Variants in ERP27 observed in about 807,000 individuals in gnomAD.
The protein encoded by ERP27 is endoplasmic reticulum resident protein 27.
Under a neutral mutation model 27.7 loss-of-function variants are expected in ERP27, and 23 were observed. That is an observed-to-expected ratio of 0.83 (90% CI 0.60 to 1.18). The LOEUF is 1.18. Among genes scored for constraint, ERP27 ranks in the 50% most tolerant of loss-of-function variants. ERP27 has a pLI of 0.00. For missense variants in ERP27, 363 were observed against 327.9 expected, an observed-to-expected ratio of 1.11 and a Z score of -0.83; for synonymous variants, 159 against 118.3, an observed-to-expected ratio of 1.34 and a Z score of -2.23.
At chr12:14,935,528 T>C in intron 2 of ERP27, among the ~76,000 whole-genome samples, 1 of 152,342 alleles carries the variant, frequency 6.6e-6, no homozygotes, top group South Asian at 2.1e-4. Context: ...AGGAAAAGTA[T>C]GTAAACAACT....
chr12:14,925,505 T>C (rs371279361), intron 3 of ERP27, among the ~76,000 whole-genome samples: 5 of 152,308 alleles, frequency 3.3e-5, no homozygotes, highest in Admixed American at 6.5e-5. Flanking sequence ...TTCAAAATGT[T>C]TCCTAATTTT....
Position 14,934,846 on chromosome 12 carries a change from C to T in ERP27, c.333+10G>A. On this transcript the variant is annotated intron_variant, in intron 3 of 6. Coordinates refer to ENST00000266397, the MANE Select transcript of ERP27 (RefSeq NM_152321.4). ...TCTGGGAGAAAGCTCAAGCTACCCA[C>T]CCAACTTACCAGGCGAAAGAGGCAG... The T allele has an allele frequency of 5.0e-6, 8 of 1,613,766 alleles. No individual in the cohort carries two copies. The highest frequency in any genetic ancestry group is 2.2e-5 in the East Asian group (1 of 44,886).
intron 3 of ERP27, among the ~76,000 whole-genome samples, chr12:14,923,396 A>G (rs577963040): frequency 4.0e-4 from 60 of 151,474 alleles, no homozygotes; most frequent in African/African-American, 1.3e-3. Context: ...ATATTCATAT[A>G]TATAATATTT....
At chr12:14,935,458 C>T (rs1863760467) in intron 2 of ERP27, among the ~76,000 whole-genome samples, 1 of 152,154 alleles carries the variant, frequency 6.6e-6, no homozygotes, top group African/African-American at 2.4e-5. Context: ...AATTTTAGAG[C>T]ACTGAGATAA....
intron 3 of ERP27, among the ~76,000 whole-genome samples, chr12:14,927,093 T>C (rs1863613847): frequency 6.6e-6 from 1 of 152,162 alleles, no homozygotes; most frequent in Admixed American, 6.5e-5. Context: ...GATATAATGC[T>C]TTGTATTCTG....
intron 3 of ERP27, among the ~76,000 whole-genome samples, chr12:14,934,261 T>C (rs1863740455): frequency 6.6e-6 from 1 of 152,144 alleles, no homozygotes; most frequent in South Asian, 2.1e-4. Context: ...CTTTTCTTTT[T>C]TTTCAGAATT....
chr12:14,915,348 C>G (rs932335798), intron 6 of ERP27, 141 bp downstream of exon 6: 6 of 732,678 alleles, frequency 8.2e-6, no homozygotes, highest in Non-Finnish European at 1.1e-5. Flanking sequence ...ACTAGACATT[C>G]CTCCTATCTA....
intron 3 of ERP27, among the ~76,000 whole-genome samples, chr12:14,922,110 T>C (rs557480084): frequency 5.3e-4 from 80 of 152,304 alleles, no homozygotes; most frequent in Middle Eastern, 6.8e-3. Flanking sequence ...AATGAACACT[T>C]CTTGACTTTT....
At chr12:14,917,636 G>A (rs566285634) in intron 4 of ERP27, among the ~76,000 whole-genome samples, 2 of 152,226 alleles carry the variant, frequency 1.3e-5, no homozygotes, top group African/African-American at 4.8e-5. Flanking sequence ...ACCAGCCCCA[G>A]TGTAGGGCAC....
intron 3 of ERP27, among the ~76,000 whole-genome samples, chr12:14,930,653 T>A (rs1863684416): frequency 1.3e-5 from 2 of 152,218 alleles, no homozygotes; most frequent in Admixed American, 1.3e-4. Flanking sequence ...TTTACCTAAA[T>A]TCTTCCTGAT....
At chr12:14,924,287 G>GT (rs1456518193) in intron 3 of ERP27, among the ~76,000 whole-genome samples, 1 of 152,124 alleles carries the variant, frequency 6.6e-6, no homozygotes, top group Non-Finnish European at 1.5e-5. Flanking sequence ...TCATGGACAC[G>GT]TAAGTTGATT....
At chr12:14,929,556 G>T (rs528335450) in intron 3 of ERP27, among the ~76,000 whole-genome samples, 7 of 152,262 alleles carry the variant, frequency 4.6e-5, no homozygotes, top group South Asian at 2.1e-4. Flanking sequence ...TTTATGGAAA[G>T]AATTTTACTT....
intron 3 of ERP27, among the ~76,000 whole-genome samples, chr12:14,924,036 C>A (rs558873926): frequency 6.6e-6 from 1 of 152,304 alleles, no homozygotes; most frequent in East Asian, 1.9e-4. Context: ...CCACTTCCCC[C>A]TCCGCTCCCC....
intron 2 of ERP27, among the ~76,000 whole-genome samples, chr12:14,936,541 G>A (rs1196751428): frequency 1.3e-5 from 2 of 152,134 alleles, no homozygotes; most frequent in African/African-American, 4.8e-5. Flanking sequence ...AAAAGAAGAT[G>A]GCCAGTTGAT....
At chr12:14,930,003 C>G (rs1021628887) in intron 3 of ERP27, among the ~76,000 whole-genome samples, 1 of 147,608 alleles carries the variant, frequency 6.8e-6, no homozygotes. Flanking sequence ...CATCACACAC[C>G]AGGGCCTGTA....
At chr12:14,929,366 G>A (rs1441003253) in intron 3 of ERP27, among the ~76,000 whole-genome samples, 3 of 152,096 alleles carry the variant, frequency 2.0e-5, no homozygotes, top group African/African-American at 4.8e-5. Context: ...AAACATGCCC[G>A]ATCTTTCATT....
chr12:14,938,298 A>G, intron 1 of ERP27, 117 bp downstream of exon 1: 1 of 1,114,822 alleles, frequency 9.0e-7, no homozygotes, highest in African/African-American at 1.5e-5. Context: ...CTTATCCAGG[A>G]TTTCCTGGAA....
rs1396849287 is a variant in ERP27 at position 14,934,959 on chromosome 12, C to T, written c.230G>A (p.Ser77Asn). The change falls in exon 3 of 7, where the codon AGC becomes AAC. Residue 77 changes from serine (S) to asparagine (N), a missense_variant. Ser to Asn is a conservative substitution (Grantham distance 46). Coordinates refer to ENST00000266397, the MANE Select transcript of ERP27 (RefSeq NM_152321.4). ...CACGCCTGGGAATTTTTGCACCATG[C>T]TATGGAGTATGGGCACTGCTGGTAT... ...LEIPAVPILH[S>N]MVQKFPGVSF... is the part of the protein sequence containing the mutation. 6.2e-7 allele frequency: 1 copy of T among 1,614,082 alleles called. No individual in the cohort carries two copies. Among genetic ancestry groups the T allele is most frequent in the Non-Finnish European group, 8.5e-7 (1 of 1,179,996 alleles).
At chr12:14,920,690 CTG>C (rs919539015) in intron 4 of ERP27, among the ~76,000 whole-genome samples, 7 of 152,264 alleles carry the variant, frequency 4.6e-5, no homozygotes, top group Admixed American at 3.3e-4. Context: ...GTCACCTTAA[CTG>C]TGCATTCTGG....
Sources: allele counts gnomAD v4.1 joint callset (sites outside exome capture counted in the v4.1 genomes callset), GRCh38; gene constraint gnomAD v4.1.1; transcripts MANE v1.5; gene names NCBI Gene and HGNC (gene_info 2026-07-23, HGNC 2026-07-21).